FAM83F: variants seen among roughly 807,000 people sequenced by gnomAD.
The protein encoded by FAM83F is protein FAM83F.
FAM83F carries 45 observed loss-of-function variants against 42.9 expected under a neutral mutation model. The ratio of observed to expected loss-of-function variants is 1.05; its 90% CI spans 0.83 to 1.35. FAM83F has a LOEUF of 1.35. Ranked by LOEUF, FAM83F falls within the 40% of genes most tolerant of loss-of-function variation. The pLI, the probability that FAM83F is intolerant of heterozygous loss-of-function variation, is 0.00. For synonymous variants in FAM83F, 306 were observed against 298.3 expected, an observed-to-expected ratio of 1.03 and a Z score of -0.27; for missense variants, 617 against 695.9, an observed-to-expected ratio of 0.89 and a Z score of 1.28.
At chr22:40,012,298 C>G (rs1053063705) in intron 1 of FAM83F, among the ~76,000 whole-genome samples, 2 of 151,996 alleles carry the variant, frequency 1.3e-5, no homozygotes, top group Non-Finnish European at 2.9e-5. Context: ...CCACGCCCAG[C>G]TGATTTTTGT....
chr22:40,026,616 G>A (rs2067554535), intron 4 of FAM83F, among the ~76,000 whole-genome samples: 1 of 152,180 alleles, frequency 6.6e-6, no homozygotes, highest in Non-Finnish European at 1.5e-5. Context: ...GGGCCGAGAG[G>A]AAGATGACAG....
intron 1 of FAM83F, among the ~76,000 whole-genome samples, chr22:40,002,599 C>G (rs920924254): frequency 1.3e-5 from 2 of 152,294 alleles, no homozygotes; most frequent in East Asian, 1.9e-4. Flanking sequence ...AGCCAGGAGC[C>G]TGGGAATCGT....
Position 40,010,882 on chromosome 22 carries a change from G to A in FAM83F, c.490-8286G>A, listed in dbSNP as rs566816707. Among the ~76,000 whole-genome samples, 3 of 152,328 alleles carry A rather than the reference G, an allele frequency of 2.0e-5. No homozygotes were observed. The South Asian group carries it at 6.2e-4, about 32-fold the overall frequency. On this transcript the variant is annotated intron_variant, in intron 1 of 4. Coordinates refer to ENST00000333407, the MANE Select transcript of FAM83F (RefSeq NM_138435.4). ...TGTTCAAACCCTCCGTATCCAGCCC[G>A]TGTACCTTCACCCTTATACCTACCC...
chr22:40,010,869 C>T (rs142660698), intron 1 of FAM83F, among the ~76,000 whole-genome samples: 5 of 152,332 alleles, frequency 3.3e-5, no homozygotes, highest in Middle Eastern at 3.4e-3. Context: ...TTCAAACCCT[C>T]CGTATCCAGC....
At chr22:40,014,506 G>A (rs1444161460) in intron 1 of FAM83F, among the ~76,000 whole-genome samples, 1 of 151,964 alleles carries the variant, frequency 6.6e-6, no homozygotes, top group Non-Finnish European at 1.5e-5. Context: ...ACTTGCTTAT[G>A]GTATATTTTG....
intron 1 of FAM83F, among the ~76,000 whole-genome samples, chr22:40,002,737 T>C (rs1415977154): frequency 6.6e-6 from 1 of 152,238 alleles, no homozygotes; most frequent in Non-Finnish European, 1.5e-5. Flanking sequence ...TTCCACAAAT[T>C]GTTCTGAGAA....
At chr22:40,028,507 C>T (rs539169915) in intron 4 of FAM83F, among the ~76,000 whole-genome samples, 254 of 152,248 alleles carry the variant, frequency 1.7e-3, no homozygotes, top group African/African-American at 5.7e-3. Flanking sequence ...GCCAGCGCTC[C>T]GAGGACATGG....
chr22:40,020,812 A>G (rs1280617819), intron 3 of FAM83F, among the ~76,000 whole-genome samples: 2 of 152,224 alleles, frequency 1.3e-5, no homozygotes, highest in African/African-American at 4.8e-5. Context: ...TGGTCAGAGT[A>G]TGGGTTTCTG....
At chr22:40,016,206 A>G (rs1388318244) in intron 1 of FAM83F, among the ~76,000 whole-genome samples, 1 of 140,154 alleles carries the variant, frequency 7.1e-6, no homozygotes, top group Non-Finnish European at 1.6e-5. Context: ...TTGTTTTTTT[A>G]TTTTTTTTTG....
At chr22:40,019,462 C>A in intron 2 of FAM83F, 127 bp downstream of exon 2, 2 of 815,784 alleles carry the variant, frequency 2.5e-6, no homozygotes, top group East Asian at 2.6e-5. Flanking sequence ...ATCTCAACAC[C>A]TTTCCTTTTG....
Position 40,011,814 on chromosome 22 carries a change from C to G in FAM83F, c.490-7354C>G, listed in dbSNP as rs116715286. On this transcript the variant is annotated intron_variant, in intron 1 of 4. Transcript: ENST00000333407. ...CTCCTTGCTATCCCAAAGAAAGATG[C>G]AGGCAACATCTTTGTTCTGGCCCCC... Among the ~76,000 whole-genome samples the G allele has an allele frequency of 2.2e-3, 332 of 152,324 alleles. 1 individual carries two copies. The highest frequency in any genetic ancestry group is 7.2e-3 in the African/African-American group (298 of 41,572).
intron 1 of FAM83F, among the ~76,000 whole-genome samples, chr22:40,007,266 T>C: frequency 1.1e-5 from 1 of 87,006 alleles, no homozygotes; most frequent in African/African-American, 4.3e-5. Context: ...CCTTTCCTCC[T>C]CCTCTCTTCC....
rs758127931 is a variant in FAM83F at position 40,019,917 on chromosome 22, G to A, written c.688G>A (p.Gly230Ser). 13 of 1,613,068 alleles carry A rather than the reference G, an allele frequency of 8.1e-6. No homozygotes were observed. Among genetic ancestry groups the A allele is most frequent in the South Asian group, 4.4e-5 (4 of 90,988 alleles). Reference protein sequence around the residue: ...NIRVRSVTGVGFYMPMGRIKG... With the variant: ...NIRVRSVTGVSFYMPMGRIKG... ...CCGTGTCCGCTCTGTGACAGGCGTC[G>A]GCTTCTACATGCCCATGGGGAGGAT... Residue 230 changes from glycine to serine, a missense_variant, in exon 3 of 5, where the codon GGC becomes AGC. Coordinates refer to ENST00000333407, the MANE Select transcript of FAM83F (RefSeq NM_138435.4).
chr22:39,995,517 C>T lies in FAM83F; in HGVS notation c.475C>T (p.Gln159Ter), dbSNP rs1443076337. Residue 159 changes from glutamine (Q) to a stop codon, truncating the protein, a stop_gained, in exon 1 of 5, where the codon CAA (glutamine) becomes TAA (stop). Coordinates refer to ENST00000333407, the MANE Select transcript of FAM83F (RefSeq NM_138435.4). LOFTEE classifies it high-confidence loss of function. The surrounding 1 kb of genome is among the most constrained non-coding windows in gnomAD (Gnocchi z 4.6). ...CAAGCAGGTGGTCAGGCAGATGATC[C>T]AACAGGCCCAGAAGGTAGGCCCCCG... is the stretch of plus-strand genomic sequence containing the variant. ...HLKQVVRQMI[Q>*]QAQKVIAVVM... 6.4e-7 allele frequency: 1 copy of T among 1,569,442 alleles called. No individual in the cohort carries two copies. Among genetic ancestry groups the T allele is most frequent in the Admixed American group, 1.8e-5 (1 of 54,798 alleles).
intron 1 of FAM83F, among the ~76,000 whole-genome samples, chr22:39,997,419 G>A (rs936221319): frequency 6.6e-6 from 1 of 152,192 alleles, no homozygotes; most frequent in Non-Finnish European, 1.5e-5. Flanking sequence ...TTTAACAATT[G>A]TGAACCCATC....
chr22:40,039,307 A>T lies in FAM83F; in HGVS notation c.*9742A>T, dbSNP rs1462922386. 6.6e-6 allele frequency: 1 copy of T among 152,072 alleles called. No homozygotes were observed. The highest frequency in any genetic ancestry group is 2.4e-5 in the African/African-American group (1 of 41,384). 9.4% of individuals were successfully genotyped at this position (152,072 alleles called of 1,614,324 possible). A position where few individuals can be genotyped will look rare whatever the true frequency, so the allele number is the denominator to read the frequency against. On this transcript the variant is annotated 3_prime_UTR_variant, in exon 5 of 5. Coordinates refer to ENST00000333407, the MANE Select transcript of FAM83F (RefSeq NM_138435.4). ...TTTTTAGTAGAGATGAGGTTTTGCC[A>T]TTTTGGCCAGCCTGGTCTTGAACCT... is the stretch of plus-strand genomic sequence containing the variant.
chr22:40,000,391 C>T (rs2067393332), intron 1 of FAM83F, among the ~76,000 whole-genome samples: 1 of 152,132 alleles, frequency 6.6e-6, no homozygotes, highest in South Asian at 2.1e-4. Flanking sequence ...ATACAGATGC[C>T]CCCGGGCATG....
intron 1 of FAM83F, 93 bp from the exon 2 acceptor site, chr22:40,019,075 G>C (rs999446772): frequency 1.4e-5 from 21 of 1,479,800 alleles, no homozygotes; most frequent in Non-Finnish European, 1.8e-5. Context: ...TTGGCCACCA[G>C]TGACCCCAGG....
chr22:40,021,791 G>A lies in FAM83F; in HGVS notation c.1281G>A (p.Ala427=), dbSNP rs749029608. 2.9e-5 allele frequency: 47 copies of A among 1,612,372 alleles called. No homozygotes were observed. In the Admixed American group the frequency reaches 4.7e-4, roughly 16 times the overall value. Reference sequence around the variant, plus strand: ...CCAGCCGAAACGGCATGGGAGAAGCGGCCCGGGGGGAGGCCGCCCCCGCCA... The same window carrying A: ...CCAGCCGAAACGGCATGGGAGAAGCAGCCCGGGGGGAGGCCGCCCCCGCCA... ...EAPSRNGMGE[A]ARGEAAPARR... The change falls in exon 4 of 5, where the codon GCG becomes GCA. Residue 427 remains alanine, a synonymous_variant. Transcript: ENST00000333407. This position sits in a 1 kb window ranked among gnomAD's most constrained non-coding sequence, Gnocchi z 8.7.
Sources: gnomAD v4.1 joint callset for allele counts (sites outside exome capture counted in the v4.1 genomes callset) on GRCh38, gnomAD v4.1.1 for gene constraint, Gnocchi (gnomAD v3.1) non-coding constraint, MANE v1.5 for transcripts, NCBI Gene and HGNC (gene_info 2026-07-23, HGNC 2026-07-21) for gene names.